The following TRRAP variants were observed in gnomAD, a reference collection of about 807,000 sequenced individuals.
TRRAP encodes transformation/transcription domain-associated protein.
TRRAP carries 41 observed loss-of-function variants against 438.8 expected under a neutral mutation model. The observed-to-expected ratio is 0.09, with a 90% CI of 0.07 to 0.12. The LOEUF is 0.12. Among genes scored for constraint, TRRAP ranks in the 10% least tolerant of loss-of-function variants. The pLI, the probability that TRRAP is intolerant of heterozygous loss-of-function variation, is 1.00. For synonymous variants in TRRAP, 1,994 were observed against 1,962.9 expected (o/e 1.02, Z -0.42); for missense variants, 3,122 against 5,055.1 (o/e 0.62, Z 11.60).
At position 98,976,499 on chromosome 7, in the gene TRRAP, T is replaced by G; in HGVS notation, c.7976T>G (p.Ile2659Arg). The stretch of plus-strand genomic sequence containing the variant: ...TGGTTTCAGGCACTCGCGGGTGAGA[T>G]AAGTCCATTTCTGTGCAGCGGCAGT... ...DRQQHALAGE[I>R]SPFLCSGSHQ... Residue 2659 changes from isoleucine to arginine, a missense_variant, in exon 55 of 73, where the codon ATA becomes AGA. This residue lies in a region of TRRAP where 992 missense variants were observed against 1,281.2 expected (regional missense o/e 0.77). Transcript: ENST00000456197. This position sits in a 1 kb window ranked among gnomAD's most constrained non-coding sequence, Gnocchi z 4.6. 1 of 1,610,802 alleles carries G rather than the reference T, an allele frequency of 6.2e-7. No homozygotes were observed.
At chr7:98,936,653 T>G (rs1790568542) in intron 28 of TRRAP, among the ~76,000 whole-genome samples, 1 of 152,174 alleles carries the variant, frequency 6.6e-6, no homozygotes, top group African/African-American at 2.4e-5. Flanking sequence ...GCCATCAGCC[T>G]TGTTCAGATG....
chr7:98,888,684 A>G (rs73147860), intron 3 of TRRAP, among the ~76,000 whole-genome samples: 5,019 of 152,086 alleles, frequency 0.033, 92 homozygotes, highest in South Asian at 0.054. Flanking sequence ...CTACCTTTTC[A>G]TGGGTAGCTC....
At position 98,956,123 on chromosome 7, in the gene TRRAP, T is replaced by C. The variant is rs1791592854; in HGVS notation, c.5938-23T>C. 3 of 1,602,730 alleles carry C rather than the reference T, an allele frequency of 1.9e-6. No homozygotes were observed. In the South Asian group the frequency reaches 3.3e-5, roughly 18 times the overall value. ...GGGACCAAGCTCCCATGTTCCGGCGTGATGCTGGCCCTGCGTCCGCAGGTG... is the reference window on the plus strand; with the variant it reads ...GGGACCAAGCTCCCATGTTCCGGCGCGATGCTGGCCCTGCGTCCGCAGGTG... On this transcript the variant is annotated intron_variant, in intron 41 of 72. Transcript: ENST00000456197. The surrounding 1 kb of genome is among the most constrained non-coding windows in gnomAD (Gnocchi z 4.5).
intron 45 of TRRAP, 45 bp downstream of exon 45, chr7:98,959,535 A>G: frequency 6.3e-7 from 1 of 1,586,598 alleles, no homozygotes; most frequent in Middle Eastern, 1.7e-4. Context: ...CACCGAGGCC[A>G]CTAGCAGATA....
In TRRAP at chr7:98,962,414, C is replaced by T; in HGVS notation, c.6816C>T (p.Pro2272=). ...TNYEKATNAN[P]SQLFGTLMIL... ...ACGAGAAGGCCACCAATGCCAATCC[C>T]TCCCAGCTCTTCGGTGAGTGTGTGT... Residue 2272 remains proline (P), a synonymous_variant, in exon 47 of 73, where the codon CCC becomes CCT. Transcript: ENST00000456197. 6.2e-7 allele frequency: 1 copy of T among 1,614,248 alleles called. No individual in the cohort carries two copies. The highest frequency in any genetic ancestry group is 8.5e-7 in the Non-Finnish European group (1 of 1,180,046).
intron 33 of TRRAP, among the ~76,000 whole-genome samples, chr7:98,946,507 A>ACATGCACACACACCACC (rs1791070926): frequency 6.6e-6 from 1 of 150,750 alleles, no homozygotes; most frequent in African/African-American, 2.4e-5. Flanking sequence ...CACACACCAC[A>ACATGCACACACACCACC]CATGCACACA....
At chr7:98,991,334 G>A (rs1450760748) in intron 64 of TRRAP, among the ~76,000 whole-genome samples, 5 of 152,188 alleles carry the variant, frequency 3.3e-5, no homozygotes, top group Non-Finnish European at 7.3e-5. Context: ...GAAGGAGCTG[G>A]GCCCGCGCGT....
At chr7:98,922,689 G>A (rs138171956) in intron 21 of TRRAP, among the ~76,000 whole-genome samples, 3 of 152,046 alleles carry the variant, frequency 2.0e-5, no homozygotes, top group East Asian at 1.9e-4. Flanking sequence ...GGATATTATC[G>A]TAATGTTTGA....
At chr7:98,996,217 G>T (rs1562977210) in intron 67 of TRRAP, among the ~76,000 whole-genome samples, 1 of 152,152 alleles carries the variant, frequency 6.6e-6, no homozygotes, top group African/African-American at 2.4e-5. Context: ...TCACATCTGC[G>T]CATCCACATC....
intron 25 of TRRAP, among the ~76,000 whole-genome samples, chr7:98,931,066 C>T (rs1413571228): frequency 6.6e-6 from 1 of 152,180 alleles, no homozygotes; most frequent in Admixed American, 6.5e-5. Context: ...CAGTGTTTAC[C>T]ACAGTGTGTC....
At chr7:98,964,503 C>A in intron 47 of TRRAP, 126 bp from the exon 48 acceptor site, 2 of 1,096,774 alleles carry the variant, frequency 1.8e-6, no homozygotes, top group Non-Finnish European at 2.6e-6. Flanking sequence ...TAAAAGCTCA[C>A]AGTGTTGACA....
Position 98,949,726 on chromosome 7 carries a change from T to C in TRRAP, c.5020T>C (p.Leu1674=). Residue 1674 remains leucine (L), a synonymous_variant, in exon 37 of 73, where the codon TTG becomes CTG. Transcript: ENST00000456197. ...CAGCCAGCACTCTCTGGTGAGCCAG[T>C]TGCGACGTGTGTGGGTGAGTGAGAA... is the stretch of plus-strand genomic sequence containing the variant. ...LASQHSLVSQ[L]RRVWVSENFQ... is the part of the protein sequence containing the mutation. 1.2e-6 allele frequency: 2 copies of C among 1,614,006 alleles called. No individual in the cohort carries two copies. Among genetic ancestry groups the C allele is most frequent in the Non-Finnish European group, 1.7e-6 (2 of 1,180,032 alleles).
Position 99,011,610 on chromosome 7 carries a change from A to G in TRRAP, c.11337+75A>G. 1 of 1,523,886 alleles carries G rather than the reference A, an allele frequency of 6.6e-7. No individual in the cohort carries two copies. The highest frequency in any genetic ancestry group is 8.9e-7 in the Non-Finnish European group (1 of 1,129,656). The allele number at this position is 1,523,886 out of a possible 1,614,324, so 94.4% of individuals were successfully genotyped here. A position where few individuals can be genotyped will look rare whatever the true frequency, so the allele number is the denominator to read the frequency against. ...TGCCCGCGCGTCACGGCCTTGCAGG[A>G]GCTGCTGATGTGCCTCACGGGCTCT... On this transcript the variant is annotated intron_variant, in intron 72 of 72. Transcript: ENST00000456197. This position sits in a 1 kb window ranked among gnomAD's most constrained non-coding sequence, Gnocchi z 7.1.
chr7:98,961,216 T>C (rs1791877149), intron 45 of TRRAP, 45 bp from the exon 46 acceptor site: 1 of 1,587,774 alleles, frequency 6.3e-7, no homozygotes, highest in South Asian at 1.1e-5. Flanking sequence ...TTGTTGTCAT[T>C]GAGTGTTTGT....
At chr7:99,000,529 C>T (rs762305033) in intron 67 of TRRAP, among the ~76,000 whole-genome samples, 3 of 152,256 alleles carry the variant, frequency 2.0e-5, no homozygotes, top group Non-Finnish European at 4.4e-5. Flanking sequence ...TTCATTCTTC[C>T]AGGCCACACT....
chr7:98,948,365 T>G lies in TRRAP; in HGVS notation c.4668+25T>G, dbSNP rs1311337651. 1 of 1,613,834 alleles carries G rather than the reference T, an allele frequency of 6.2e-7. No homozygotes were observed. Among genetic ancestry groups the G allele is most frequent in the Non-Finnish European group, 8.5e-7 (1 of 1,179,974 alleles). On this transcript the variant is annotated intron_variant, in intron 34 of 72. Coordinates refer to ENST00000456197, the MANE Select transcript of TRRAP (RefSeq NM_001375524.1). The surrounding 1 kb of genome is among the most constrained non-coding windows in gnomAD (Gnocchi z 4.9). ...GGTAAGGGCCATACTGAAGGCTGCT[T>G]CTCGCTCTGCCACCCTCCGGTGCTT...
intron 45 of TRRAP, among the ~76,000 whole-genome samples, chr7:98,960,560 A>G (rs1258791432): frequency 6.6e-6 from 1 of 152,110 alleles, no homozygotes; most frequent in African/African-American, 2.4e-5. Context: ...ATAGTTTGAA[A>G]GATGCTTGTC....
rs556924128 is a variant in TRRAP, at chr7:98,957,586, C to T, written c.6232-395C>T. Among the ~76,000 whole-genome samples the T allele has an allele frequency of 2.2e-3, 334 of 152,328 alleles. 1 individual carries two copies. Among genetic ancestry groups the T allele is most frequent in the African/African-American group, 7.7e-3 (320 of 41,596 alleles). On this transcript the variant is annotated intron_variant, in intron 43 of 72. Coordinates refer to ENST00000456197, the MANE Select transcript of TRRAP (RefSeq NM_001375524.1). ...CCGTCTCAGTGCTCAGCCATGCGGG[C>T]CATCCCTCTGCTCTCAATGCACCCC... is the stretch of plus-strand genomic sequence containing the variant.
At chr7:98,981,450 A>AT (rs889934802) in intron 58 of TRRAP, among the ~76,000 whole-genome samples, 1 of 152,228 alleles carries the variant, frequency 6.6e-6, no homozygotes, top group South Asian at 2.1e-4. Flanking sequence ...AGACTGTGTG[A>AT]TTTTTCATCT....
Sources: allele counts gnomAD v4.1 joint callset (sites outside exome capture counted in the v4.1 genomes callset), GRCh38; gene constraint gnomAD v4.1.1; regional missense constraint gnomAD v4.1.1; non-coding constraint Gnocchi (gnomAD v3.1); transcripts MANE v1.5; gene names NCBI Gene and HGNC (gene_info 2026-07-23, HGNC 2026-07-21).